FARS2: variants seen among roughly 807,000 people sequenced by gnomAD.
FARS2 encodes the protein phenylalanine--tRNA ligase, mitochondrial.
FARS2 carries 40 observed loss-of-function variants against 46.4 expected under a neutral mutation model. That is an observed-to-expected ratio of 0.86 (90% CI 0.67 to 1.12). FARS2 has a LOEUF of 1.12. Among genes scored for constraint, FARS2 ranks in the 50% most tolerant of loss-of-function variants. The probability of loss-of-function intolerance (pLI) is 0.00; values close to 1 mark genes in which losing one functional copy is unlikely to be tolerated. For missense variants in FARS2, 513 were observed against 567.9 expected, an observed-to-expected ratio of 0.90 and a Z score of 0.98; for synonymous variants, 234 against 214.9, an observed-to-expected ratio of 1.09 and a Z score of -0.78.
chr6:5,267,331 A>G (rs2127812762), intron 1 of FARS2, among the ~76,000 whole-genome samples: 1 of 152,266 alleles, frequency 6.6e-6, no homozygotes. Flanking sequence ...TATTTTAGGA[A>G]TAATGTTTTC....
At chr6:5,733,538 G>A (rs1481098610) in intron 6 of FARS2, among the ~76,000 whole-genome samples, 2 of 152,176 alleles carry the variant, frequency 1.3e-5, no homozygotes, top group South Asian at 2.1e-4. Context: ...AGCCCCAGGT[G>A]GGTTTATATT....
At chr6:5,373,195 A>G (rs1759165600) in intron 2 of FARS2, among the ~76,000 whole-genome samples, 1 of 152,128 alleles carries the variant, frequency 6.6e-6, no homozygotes, top group South Asian at 2.1e-4. Context: ...ACAAACTTCC[A>G]CAATCAAATT....
At chr6:5,661,364 T>C (rs1444605528) in intron 6 of FARS2, among the ~76,000 whole-genome samples, 1 of 152,208 alleles carries the variant, frequency 6.6e-6, no homozygotes, top group African/African-American at 2.4e-5. Context: ...GGCATATAAA[T>C]GTGTGAGTGA....
intron 1 of FARS2, among the ~76,000 whole-genome samples, chr6:5,264,297 A>G (rs1765393234): frequency 6.6e-6 from 1 of 152,108 alleles, no homozygotes; most frequent in Non-Finnish European, 1.5e-5. Flanking sequence ...TCTATTCTAC[A>G]CCACACATGA....
intron 2 of FARS2, among the ~76,000 whole-genome samples, chr6:5,376,531 T>C (rs570346182): frequency 3.3e-5 from 5 of 152,260 alleles, no homozygotes; most frequent in African/African-American, 1.2e-4. Flanking sequence ...CTTTAAGTGT[T>C]AAAAAGTCTC....
intron 4 of FARS2, among the ~76,000 whole-genome samples, chr6:5,540,532 A>T (rs1770561313): frequency 6.6e-6 from 1 of 152,164 alleles, no homozygotes. Flanking sequence ...ATTCATTCGC[A>T]CTGTCGTGTC....
At chr6:5,284,199 C>T (rs1209532171) in intron 1 of FARS2, among the ~76,000 whole-genome samples, 2 of 152,148 alleles carry the variant, frequency 1.3e-5, no homozygotes, top group African/African-American at 4.8e-5. Context: ...TTCGGGGGAT[C>T]GTTCTGTCAT....
intron 1 of FARS2, among the ~76,000 whole-genome samples, chr6:5,345,858 G>A (rs1241632195): frequency 6.6e-6 from 1 of 152,172 alleles, no homozygotes; most frequent in Non-Finnish European, 1.5e-5. Flanking sequence ...TCTTTCACAG[G>A]CAGTTATGAA....
intron 1 of FARS2, among the ~76,000 whole-genome samples, chr6:5,356,641 A>G (rs1004275089): frequency 1.3e-5 from 2 of 152,182 alleles, no homozygotes; most frequent in Non-Finnish European, 2.9e-5. Context: ...TCATGAGTCA[A>G]TAATATGTAT....
intron 1 of FARS2, among the ~76,000 whole-genome samples, chr6:5,354,731 TC>T (rs973441977): frequency 3.3e-5 from 5 of 152,242 alleles, no homozygotes; most frequent in Middle Eastern, 3.4e-3. Context: ...GCCAGGATGG[TC>T]TCGATCTCCT....
intron 2 of FARS2, among the ~76,000 whole-genome samples, chr6:5,371,838 A>T (rs1480833866): frequency 6.6e-6 from 1 of 152,120 alleles, no homozygotes; most frequent in African/African-American, 2.4e-5. Flanking sequence ...TGTAGATATA[A>T]GTCCAAATAC....
In FARS2 at chr6:5,304,247, C is replaced by T. The variant is rs540075034; in HGVS notation, c.-22+42587C>T. On this transcript the variant is annotated intron_variant, in intron 1 of 6. Coordinates refer to ENST00000274680, the MANE Select transcript of FARS2 (RefSeq NM_006567.5). ...AGTTGTATCAGTTGTTTTGTATGTG[C>T]GTTTCCCCTTATCACTGTATAATCC... is the stretch of plus-strand genomic sequence containing the variant. Among the ~76,000 whole-genome samples, 25 of 152,214 alleles carry T rather than the reference C, an allele frequency of 1.6e-4. No individual in the cohort carries two copies. The South Asian group carries it at 2.3e-3, about 14-fold the overall frequency.
At chr6:5,613,749 T>G (rs2150675160) in intron 6 of FARS2, among the ~76,000 whole-genome samples, 1 of 152,304 alleles carries the variant, frequency 6.6e-6, no homozygotes, top group African/African-American at 2.4e-5. Flanking sequence ...ATTAAATGTG[T>G]TCCAAACAGA....
chr6:5,477,874 G>T (rs1047004301), intron 4 of FARS2, among the ~76,000 whole-genome samples: 5 of 152,048 alleles, frequency 3.3e-5, no homozygotes, highest in Admixed American at 6.5e-5. Flanking sequence ...AAAAAAATGA[G>T]CTGGGCGTGG....
At chr6:5,572,083 T>G (rs186119373) in intron 5 of FARS2, among the ~76,000 whole-genome samples, 3 of 152,340 alleles carry the variant, frequency 2.0e-5, no homozygotes, top group South Asian at 2.1e-4. Flanking sequence ...AACATGCCTG[T>G]AGTAGGTCAT....
At chr6:5,672,935 C>G (rs1203487560) in intron 6 of FARS2, among the ~76,000 whole-genome samples, 1 of 152,146 alleles carries the variant, frequency 6.6e-6, no homozygotes, top group East Asian at 1.9e-4. Flanking sequence ...CCTCTGGGCC[C>G]TCTTTCTGTG....
chr6:5,615,809 C>T (rs11243022), intron 6 of FARS2, among the ~76,000 whole-genome samples: 5,208 of 152,074 alleles, frequency 0.034, 283 homozygotes, highest in East Asian at 0.18. Context: ...AGCTTGTTTT[C>T]ATGCTCTTAA....
At chr6:5,715,082 CTCT>C (rs199852346) in intron 6 of FARS2, among the ~76,000 whole-genome samples, 3,965 of 152,230 alleles carry the variant, frequency 0.026, 160 homozygotes, top group African/African-American at 0.088. Flanking sequence ...GTGCAGGACA[CTCT>C]TCTGTGTGCC....
At chr6:5,302,486 A>G (rs1581731949) in intron 1 of FARS2, among the ~76,000 whole-genome samples, 1 of 152,194 alleles carries the variant, frequency 6.6e-6, no homozygotes, top group Non-Finnish European at 1.5e-5. Flanking sequence ...AAGTTAAAAA[A>G]AAATGTGCCT....
Sources: allele counts gnomAD v4.1 joint callset (sites outside exome capture counted in the v4.1 genomes callset), GRCh38; gene constraint gnomAD v4.1.1; transcripts MANE v1.5; gene names NCBI Gene and HGNC (gene_info 2026-07-23, HGNC 2026-07-21).